COL6A1: variants seen among roughly 807,000 people sequenced by gnomAD.
COL6A1 encodes collagen type VI alpha 1 chain.
COL6A1 carries 80 observed loss-of-function variants against 145.6 expected under a neutral mutation model. The ratio of observed to expected loss-of-function variants is 0.55; its 90% confidence interval spans 0.46 to 0.66. The LOEUF (loss-of-function observed/expected upper bound fraction) is 0.66. Ranked by LOEUF, COL6A1 falls within the 30% of genes least tolerant of loss-of-function variation. COL6A1 has a pLI of 0.00. For synonymous variants in COL6A1, 638 were observed against 622.8 expected, an observed-to-expected ratio of 1.02 and a Z score of -0.36; for missense variants, 1,364 against 1,473.8, an observed-to-expected ratio of 0.93 and a Z score of 1.22.
chr21:45,997,840 G>A (rs2077814993), intron 22 of COL6A1, 78 bp downstream of exon 22: 3 of 1,464,884 alleles, frequency 2.0e-6, no homozygotes, highest in African/African-American at 1.4e-5. Context: ...CCCGCACTGT[G>A]GAGCTGCCTG....
chr21:45,987,319 G>A (rs1352119327), intron 6 of COL6A1, 144 bp downstream of exon 6: 31 of 1,491,556 alleles, frequency 2.1e-5, no homozygotes, highest in South Asian at 6.8e-5. Context: ...CCGTGTGCCC[G>A]GGATGTGTGT....
chr21:45,985,228 GCAGAGA>G (rs1236947894), intron 3 of COL6A1, among the ~76,000 whole-genome samples: 3 of 138,366 alleles, frequency 2.2e-5, no homozygotes, highest in African/African-American at 8.1e-5. Flanking sequence ...ACAGAGAGAA[GCAGAGA>G]CAGGGACAGA....
intron 11 of COL6A1, among the ~76,000 whole-genome samples, chr21:45,990,004 CCCCCGGGCGGTT>C (rs1569518161): frequency 2.4e-4 from 3 of 12,314 alleles, no homozygotes; most frequent in Non-Finnish European, 3.6e-4. Context: ...GAGCAGGGGT[CCCCCGGGCGGTT>C]ACCCTCTGCG....
At chr21:46,001,884 C>A in intron 30 of COL6A1, 77 bp from the exon 31 acceptor site, 2 of 1,326,802 alleles carry the variant, frequency 1.5e-6, no homozygotes, top group Non-Finnish European at 2.1e-6. Flanking sequence ...GCACCCGCAG[C>A]CAATAGAGTC....
chr21:45,999,197 C>T lies in COL6A1; in HGVS notation c.1719C>T (p.Tyr573=), dbSNP rs1013945029. ...GAGGAGTCAAAGGAGCAAAGGGGTA[C>T]CGGGGTCCCGAGGGCCCCCAGGTGG... ...APRGVKGAKG[Y]RGPEGPQGPP... is the part of the protein sequence containing the mutation. Residue 573 remains tyrosine (Y), a synonymous_variant, in exon 26 of 35, where the codon TAC becomes TAT. Coordinates refer to ENST00000361866, the MANE Select transcript of COL6A1 (RefSeq NM_001848.3). The T allele has an allele frequency of 1.9e-6, 3 of 1,602,264 alleles. No individual in the cohort carries two copies. Among genetic ancestry groups the T allele is most frequent in the Non-Finnish European group, 2.6e-6 (3 of 1,175,526 alleles).
intron 8 of COL6A1, 138 bp downstream of exon 8, chr21:45,987,792 G>C: frequency 4.0e-6 from 2 of 498,842 alleles, no homozygotes; most frequent in South Asian, 2.7e-5. Flanking sequence ...GGGACGGCGG[G>C]GGTCCAGATG....
At chr21:45,981,999 G>T in intron 1 of COL6A1, 52 bp downstream of exon 1, 1 of 1,440,098 alleles carries the variant, frequency 6.9e-7, no homozygotes, top group Non-Finnish European at 9.6e-7. Flanking sequence ...TTTGCTGCCG[G>T]CCAGGGCCAG....
At chr21:45,983,661 G>C (rs996999633) in intron 2 of COL6A1, among the ~76,000 whole-genome samples, 1 of 152,098 alleles carries the variant, frequency 6.6e-6, no homozygotes, top group Non-Finnish European at 1.5e-5. Context: ...CAGTGTTTGG[G>C]GGGGGGTCTG....
At chr21:45,996,493 G>A (rs1423395905) in intron 20 of COL6A1, among the ~76,000 whole-genome samples, 1 of 152,258 alleles carries the variant, frequency 6.6e-6, no homozygotes, top group Admixed American at 6.5e-5. Context: ...GGCCAAGTCT[G>A]GTAGTGGGGA....
At position 45,992,798 on chromosome 21, in the gene COL6A1, A is replaced by C; in HGVS notation, c.1323A>C (p.Pro441=). The change falls in exon 19 of 35, where the codon CCA becomes CCC. Residue 441 remains proline, a synonymous_variant. Transcript: ENST00000361866. ...GPRGTPGTRG[P]RGDPGEAGPQ... ...GGGGGACCCCAGGCACGCGGGGACCAAGAGGAGACCCTGTGAGTCACAGTT... is the reference window on the plus strand; with the variant it reads ...GGGGGACCCCAGGCACGCGGGGACCCAGAGGAGACCCTGTGAGTCACAGTT... 1 of 1,599,792 alleles carries C rather than the reference A, an allele frequency of 6.3e-7. No individual in the cohort carries two copies. Among genetic ancestry groups the C allele is most frequent in the Non-Finnish European group, 8.5e-7 (1 of 1,173,804 alleles).
intron 2 of COL6A1, 116 bp from the exon 3 acceptor site, chr21:45,984,153 G>C: frequency 9.4e-7 from 1 of 1,066,012 alleles, no homozygotes; most frequent in Non-Finnish European, 1.4e-6. Flanking sequence ...CCAGCTGTGT[G>C]TCAGCCACGG....
chr21:45,994,277 G>T lies in COL6A1; in HGVS notation c.1398+48G>T. 1 of 1,562,760 alleles carries T rather than the reference G, an allele frequency of 6.4e-7. No individual in the cohort carries two copies. ...GGGGCGTTGGCCAATTTGGGTTTTG[G>T]GGGTAGAAGTGCTCCAGCAGCTCAC... is the stretch of plus-strand genomic sequence containing the variant. On this transcript the variant is annotated intron_variant, in intron 20 of 34. Transcript: ENST00000361866. The surrounding 1 kb of genome is among the most constrained non-coding windows in gnomAD (Gnocchi z 6.8).
intron 1 of COL6A1, 113 bp downstream of exon 1, chr21:45,982,060 CCCCTGAA>C: frequency 2.3e-6 from 2 of 872,108 alleles, no homozygotes; most frequent in Non-Finnish European, 3.7e-6. Context: ...GGGCCTGGAG[CCCCTGAA>C]CCCCACTCCC....
intron 3 of COL6A1, among the ~76,000 whole-genome samples, chr21:45,986,119 C>G (rs1213829106): frequency 6.6e-6 from 1 of 152,172 alleles, no homozygotes; most frequent in Non-Finnish European, 1.5e-5. Context: ...CTCATCACAC[C>G]CATTTCCTGC....
intron 29 of COL6A1, 136 bp downstream of exon 29, chr21:46,000,903 C>G: frequency 8.9e-7 from 1 of 1,122,132 alleles, no homozygotes; most frequent in Non-Finnish European, 1.3e-6. Flanking sequence ...CCCGCCCCCT[C>G]TGGGGCCTGC....
intron 8 of COL6A1, among the ~76,000 whole-genome samples, 176 bp from the exon 9 acceptor site, chr21:45,988,908 G>C (rs939787062): frequency 2.6e-5 from 4 of 152,200 alleles, no homozygotes; most frequent in Non-Finnish European, 5.9e-5. Context: ...AGTGGGGGGA[G>C]CTGGCGTGCG....
In COL6A1 at chr21:45,994,944, G is replaced by A. The variant is rs987102463; in HGVS notation, c.1398+715G>A. Among the ~76,000 whole-genome samples the A allele has an allele frequency of 2.0e-5, 3 of 152,320 alleles. No homozygotes were observed. Among genetic ancestry groups the A allele is most frequent in the Non-Finnish European group, 4.4e-5 (3 of 68,028 alleles). On this transcript the variant is annotated intron_variant, in intron 20 of 34. Transcript: ENST00000361866. This position sits in a 1 kb window ranked among gnomAD's most constrained non-coding sequence, Gnocchi z 6.8. ...GCTTCTGTGGACAAATCGACCTTACGGCTCCATGTGCGCAGCTGCCCACAC... is the reference window on the plus strand; with the variant it reads ...GCTTCTGTGGACAAATCGACCTTACAGCTCCATGTGCGCAGCTGCCCACAC...
At chr21:46,002,505 C>T (rs2077852928) in intron 32 of COL6A1, 22 bp from the exon 33 acceptor site, 3 of 1,613,810 alleles carry the variant, frequency 1.9e-6, no homozygotes, top group Non-Finnish European at 2.5e-6. Flanking sequence ...CTGCGCCACA[C>T]CGATACTGTC....
chr21:45,999,288 TGCTGGAAGAG>T, intron 26 of COL6A1, 70 bp downstream of exon 26: 4 of 1,427,562 alleles, frequency 2.8e-6, no homozygotes, highest in Non-Finnish European at 3.9e-6. Context: ...GGCTGGGGAA[TGCTGGAAGAG>T]GCTGGGAGAG....
Sources: gnomAD v4.1 joint callset for allele counts (sites outside exome capture counted in the v4.1 genomes callset) on GRCh38, gnomAD v4.1.1 for gene constraint, Gnocchi (gnomAD v3.1) non-coding constraint, MANE v1.5 for transcripts, NCBI Gene and HGNC (gene_info 2026-07-23, HGNC 2026-07-21) for gene names.